Variants in CST7 observed in about 807,000 individuals in gnomAD.
The protein encoded by CST7 is cystatin-F.
CST7 carries 15 observed loss-of-function variants against 13.1 expected under a neutral mutation model. The observed-to-expected ratio is 1.14, with a 90% CI of 0.77 to 1.76. The LOEUF (loss-of-function observed/expected upper bound fraction) is 1.76. Ranked by LOEUF, CST7 falls within the 40% of genes most tolerant of loss-of-function variation. CST7 has a pLI of 0.00. For synonymous variants in CST7, 75 were observed against 66.9 expected, an observed-to-expected ratio of 1.12 and a Z score of -0.59; for missense variants, 193 against 178.8, an observed-to-expected ratio of 1.08 and a Z score of -0.45.
At position 24,957,387 on chromosome 20, in the gene CST7, T is replaced by A. The variant is rs2087865586; in HGVS notation, c.171T>A (p.Val57=). The A allele has an allele frequency of 6.2e-7, 1 of 1,613,594 alleles. No homozygotes were observed. The highest frequency in any genetic ancestry group is 1.3e-5 in the African/African-American group (1 of 74,810). Residue 57 remains valine, a synonymous_variant, in exon 2 of 4, where the codon GTT becomes GTA. Coordinates refer to ENST00000480798, the MANE Select transcript of CST7 (RefSeq NM_003650.4). ...TCCTCCAAGCAGCCAGATACAGTGT[T>A]GAAAAGTTCAACAACTGCACGAACG... ...PGVLQAARYS[V]EKFNNCTNDM...
chr20:24,957,517 C>A, intron 2 of CST7, 58 bp downstream of exon 2: 2 of 1,522,864 alleles, frequency 1.3e-6, no homozygotes, highest in Non-Finnish European at 1.8e-6. Context: ...CGAGCTGCTA[C>A]AACGCGACAC....
At chr20:24,956,433 G>A (rs988018950) in intron 1 of CST7, among the ~76,000 whole-genome samples, 5 of 152,180 alleles carry the variant, frequency 3.3e-5, no homozygotes, top group African/African-American at 4.8e-5. Flanking sequence ...GCACAAAGAC[G>A]CACGTCCTGC....
At chr20:24,952,266 C>T (rs1358232059) in intron 1 of CST7, among the ~76,000 whole-genome samples, 2 of 152,170 alleles carry the variant, frequency 1.3e-5, no homozygotes, top group African/African-American at 4.8e-5. Flanking sequence ...GGTGAGGACA[C>T]GGAGGCTCAG....
In CST7 at chr20:24,959,680, C is replaced by T. The variant is rs774712833; in HGVS notation, c.406C>T (p.His136Tyr). ...SEVWVVPWLQ[H>Y]FEVPVLRCH ...AGTCTGGGTCGTGCCCTGGCTCCAG[C>T]ACTTCGAGGTGCCTGTTCTCCGTTG... Residue 136 changes from histidine (H) to tyrosine (Y), a missense_variant, in exon 4 of 4, where the codon CAC becomes TAC. Transcript: ENST00000480798. 30 of 1,614,004 alleles carry T rather than the reference C, an allele frequency of 1.9e-5. No individual in the cohort carries two copies. The highest frequency in any genetic ancestry group is 2.5e-5 in the Non-Finnish European group (30 of 1,180,036).
Position 24,957,314 on chromosome 20 carries a change from G to A in CST7, c.98G>A (p.Arg33His), listed in dbSNP as rs761884952. 1.5e-5 allele frequency: 25 copies of A among 1,613,350 alleles called. No homozygotes were observed. The highest frequency in any genetic ancestry group is 6.7e-5 in the African/African-American group (5 of 74,818). Residue 33 changes from arginine to histidine, a missense_variant, in exon 2 of 4, where the codon CGT (arginine) becomes CAT (histidine). By Grantham distance (29) the Arg-to-His change is conservative (BLOSUM62 0). Coordinates refer to ENST00000480798, the MANE Select transcript of CST7 (RefSeq NM_003650.4). ...PDTCSQDLNS[R>H]VKPGFPKTIK... Reference sequence around the variant, plus strand: ...ACTTGTTCCCAGGACCTTAACTCACGTGTGAAGCCAGGATTTCCTAAAACA... The same window carrying A: ...ACTTGTTCCCAGGACCTTAACTCACATGTGAAGCCAGGATTTCCTAAAACA...
intron 1 of CST7, among the ~76,000 whole-genome samples, chr20:24,950,579 G>A (rs903768466): frequency 3.9e-5 from 6 of 152,236 alleles, no homozygotes; most frequent in Admixed American, 2.0e-4. Context: ...GCCGGGGGCA[G>A]CTTCTGCTCT....
chr20:24,950,516 A>G (rs1307241625), intron 1 of CST7, among the ~76,000 whole-genome samples: 1 of 152,164 alleles, frequency 6.6e-6, no homozygotes, highest in Non-Finnish European at 1.5e-5. Context: ...GGCCTGGCCT[A>G]GGGCGGACGC....
chr20:24,951,615 C>T (rs2087819474), intron 1 of CST7, among the ~76,000 whole-genome samples: 1 of 152,200 alleles, frequency 6.6e-6, no homozygotes, highest in Admixed American at 6.5e-5. Context: ...GAATAAATTA[C>T]AGAGCCTTCC....
chr20:24,952,026 G>A lies in CST7; in HGVS notation c.70+2451G>A, dbSNP rs552596333. Among the ~76,000 whole-genome samples the A allele has an allele frequency of 2.8e-4, 42 of 152,296 alleles. 1 individual carries two copies. In the South Asian group the frequency reaches 3.5e-3, roughly 13 times the overall value. On this transcript the variant is annotated intron_variant, in intron 1 of 3. Transcript: ENST00000480798. Reference sequence around the variant, plus strand: ...GCAGAGAGACCACTTGCAGCCCGGGGACCTCCTGCCTCCTGGGGAGCACTG... The same window carrying A: ...GCAGAGAGACCACTTGCAGCCCGGGAACCTCCTGCCTCCTGGGGAGCACTG...
chr20:24,958,849 C>T (rs1001796428), intron 2 of CST7, 79 bp from the exon 3 acceptor site: 3 of 1,063,154 alleles, frequency 2.8e-6, no homozygotes, highest in African/African-American at 3.1e-5. Context: ...GCACCACTGT[C>T]TTGAGGCCCT....
intron 1 of CST7, among the ~76,000 whole-genome samples, chr20:24,955,635 G>C (rs558789393): frequency 6.6e-6 from 1 of 152,216 alleles, no homozygotes; most frequent in South Asian, 2.1e-4. Flanking sequence ...ATTTTTAGTA[G>C]AGACCAGGTT....
chr20:24,950,006 C>G (rs7264679), intron 1 of CST7, among the ~76,000 whole-genome samples: 30 of 152,092 alleles, frequency 2.0e-4, no homozygotes, highest in African/African-American at 7.0e-4. Context: ...GGGACCCTAA[C>G]GATCAGACTC....
Position 24,957,309 on chromosome 20 carries a change from C to G in CST7, c.93C>G (p.Asn31Lys), listed in dbSNP as rs1301358540. Residue 31 changes from asparagine (N) to lysine (K), a missense_variant, in exon 2 of 4, where the codon AAC becomes AAG. Physicochemically the swap from Asn to Lys is moderately conservative, Grantham distance 94 (BLOSUM62 0). Coordinates refer to ENST00000480798, the MANE Select transcript of CST7 (RefSeq NM_003650.4). ...PSPDTCSQDL[N>K]SRVKPGFPKT... is the part of the protein sequence containing the mutation. ...CAGATACTTGTTCCCAGGACCTTAACTCACGTGTGAAGCCAGGATTTCCTA... is the reference window on the plus strand; with the variant it reads ...CAGATACTTGTTCCCAGGACCTTAAGTCACGTGTGAAGCCAGGATTTCCTA... The G allele has an allele frequency of 6.2e-7, 1 of 1,613,504 alleles. No individual in the cohort carries two copies. The highest frequency in any genetic ancestry group is 1.7e-5 in the Admixed American group (1 of 59,962).
chr20:24,949,401 G>A lies in CST7; in HGVS notation c.-105G>A, dbSNP rs573876806. 1 of 1,603,014 alleles carries A rather than the reference G, an allele frequency of 6.2e-7. No individual in the cohort carries two copies. Among genetic ancestry groups the A allele is most frequent in the East Asian group, 2.2e-5 (1 of 44,692 alleles). On this transcript the variant is annotated 5_prime_UTR_variant, in exon 1 of 4. Transcript: ENST00000480798. ...CTGCCCTGCGCCATCTACCCAAGAA[G>A]GCTCGGCACGGGCACCAACCACTGC...
intron 2 of CST7, among the ~76,000 whole-genome samples, chr20:24,958,336 T>C (rs1016411005): frequency 2.6e-5 from 4 of 152,156 alleles, no homozygotes; most frequent in African/African-American, 9.7e-5. Context: ...GCCCTGGTTC[T>C]GAGTCCTTGG....
intron 3 of CST7, among the ~76,000 whole-genome samples, 181 bp downstream of exon 3, chr20:24,959,225 G>T (rs1433888444): frequency 6.6e-6 from 1 of 152,182 alleles, no homozygotes; most frequent in African/African-American, 2.4e-5. Context: ...GGTAGAGCCT[G>T]TGCCAGGAGC....
intron 1 of CST7, among the ~76,000 whole-genome samples, chr20:24,956,008 A>G (rs1236484485): frequency 6.6e-6 from 1 of 152,146 alleles, no homozygotes; most frequent in African/African-American, 2.4e-5. Context: ...CTGGCCCAGA[A>G]CCAACCACGG....
In CST7 at chr20:24,956,636, C is replaced by T. The variant is rs920652277; in HGVS notation, c.71-651C>T. On this transcript the variant is annotated intron_variant, in intron 1 of 3. Coordinates refer to ENST00000480798, the MANE Select transcript of CST7 (RefSeq NM_003650.4). ...CTGTCCCTGGAAAGTCAGGAGGCAG[C>T]GCAGGGGTACCAAGTGCTGCAGGCT... Among the ~76,000 whole-genome samples the T allele has an allele frequency of 5.9e-5, 9 of 152,208 alleles. No individual in the cohort carries two copies. The East Asian group carries it at 1.4e-3, about 23-fold the overall frequency.
intron 1 of CST7, among the ~76,000 whole-genome samples, chr20:24,957,000 A>AT (rs2087859545): frequency 1.1e-4 from 1 of 9,010 alleles, no homozygotes; most frequent in African/African-American, 5.1e-4. Flanking sequence ...GGGACAGGTG[A>AT]GGGGGCAGGT....
Sources: allele counts gnomAD v4.1 joint callset (sites outside exome capture counted in the v4.1 genomes callset), GRCh38; gene constraint gnomAD v4.1.1; transcripts MANE v1.5; gene names NCBI Gene and HGNC (gene_info 2026-07-23, HGNC 2026-07-21).